SASH1: variants seen among roughly 807,000 people sequenced by gnomAD.
SASH1 encodes the protein SAM and SH3 domain containing 1, also known as SAM and SH3 domain-containing protein 1.
SASH1 carries 44 observed loss-of-function variants against 125.2 expected under a neutral mutation model. The ratio of observed to expected loss-of-function variants is 0.35; its 90% CI spans 0.28 to 0.45. SASH1 has a LOEUF of 0.45. Ranked by LOEUF, SASH1 falls within the 20% of genes least tolerant of loss-of-function variation. The pLI, the probability that SASH1 is intolerant of heterozygous loss-of-function variation, is 1.00. For synonymous variants in SASH1, 639 were observed against 649.1 expected (o/e 0.98, Z 0.24); for missense variants, 1,426 against 1,614.5 (o/e 0.88, Z 2.00).
Position 148,367,373 on chromosome 6 carries a change from C to A in SASH1, c.157-22761C>A, listed in dbSNP as rs377339193. On this transcript the variant is annotated intron_variant, in intron 1 of 19. Transcript: ENST00000367467. ...GTCTGACCATGCACATTCTTACTTA[C>A]AAGTTTTAGTTGTCTGAGCCACCGC... Among the ~76,000 whole-genome samples the A allele has an allele frequency of 6.7e-4, 101 of 151,226 alleles. 1 individual carries two copies. Among genetic ancestry groups the A allele is most frequent in the African/African-American group, 2.3e-3 (93 of 41,090 alleles).
chr6:148,283,760 G>C (rs2493921), intron 1 of SASH1, among the ~76,000 whole-genome samples: 5,765 of 151,774 alleles, frequency 0.038, 147 homozygotes, highest in Middle Eastern at 0.068. Context: ...GGTGAAGATC[G>C]AGACTCTGTC....
Position 148,321,118 on chromosome 6 carries a change from C to T in SASH1, n.74+48741C>T, listed in dbSNP as rs543146158. Among the ~76,000 whole-genome samples, 4 of 152,220 alleles carry T rather than the reference C, an allele frequency of 2.6e-5. No homozygotes were observed. The South Asian group carries it at 6.2e-4, about 24-fold the overall frequency. On this transcript the variant is annotated intron_variant and non_coding_transcript_variant, in intron 1 of 3. Transcript: ENST00000367469. ...CCATTGAAGGTAATGGCAGGCCAGG[C>T]GCGGTGGCTCACATCTGTAATCCCA...
rs1358363853 is a variant in SASH1, at chr6:148,549,244, T to C, written c.*686T>C. 1 of 193,546 alleles carries C rather than the reference T, an allele frequency of 5.2e-6. No homozygotes were observed. Among genetic ancestry groups the C allele is most frequent in the Non-Finnish European group, 1.0e-5 (1 of 95,894 alleles). The allele number at this position is 193,546 out of a possible 1,614,324, so 12.0% of individuals were successfully genotyped here. ...TCAGCTTAGGCAGACATCGAACCTC[T>C]CTGGGATGTTTCCAGCAAAAGTGAG... On this transcript the variant is annotated 3_prime_UTR_variant, in exon 20 of 20. Transcript: ENST00000367467.
chr6:148,381,686 C>T (rs993493807), intron 1 of SASH1, among the ~76,000 whole-genome samples: 14 of 126,612 alleles, frequency 1.1e-4, no homozygotes, highest in Admixed American at 1.1e-3. Flanking sequence ...AGTGCAGTGG[C>T]GCAATAATCT....
chr6:148,399,841 G>A (rs1401761282), intron 2 of SASH1, among the ~76,000 whole-genome samples: 1 of 152,210 alleles, frequency 6.6e-6, no homozygotes, highest in African/African-American at 2.4e-5. Context: ...TGTTTTTGGA[G>A]TCAGGACCAT....
At chr6:148,488,542 A>G (rs1778972062) in intron 8 of SASH1, among the ~76,000 whole-genome samples, 1 of 152,210 alleles carries the variant, frequency 6.6e-6, no homozygotes, top group Non-Finnish European at 1.5e-5. Flanking sequence ...ATCATGTAGT[A>G]ATTCTGTATT....
At position 148,519,915 on chromosome 6, in the gene SASH1, T is replaced by C; in HGVS notation, c.1209+22T>C. 6.7e-7 allele frequency: 1 copy of C among 1,501,712 alleles called. No individual in the cohort carries two copies. Among genetic ancestry groups the C allele is most frequent in the Non-Finnish European group, 8.9e-7 (1 of 1,117,960 alleles). 93.0% of individuals were successfully genotyped at this position (1,501,712 alleles called of 1,614,324 possible). A position where few individuals can be genotyped will look rare whatever the true frequency, so the allele number is the denominator to read the frequency against. On this transcript the variant is annotated intron_variant, in intron 10 of 19. Coordinates refer to ENST00000367467, the MANE Select transcript of SASH1 (RefSeq NM_015278.5). This position sits in a 1 kb window ranked among gnomAD's most constrained non-coding sequence, Gnocchi z 4.8. ...CGGGGTAAGTACGGATGGTGTTTGC[T>C]TCTATGACAACCACCGTCGCAGGCA...
the SASH1 span, among the ~76,000 whole-genome samples, chr6:148,247,242 C>T: frequency 1.3e-5 from 2 of 152,052 alleles, no homozygotes; most frequent in African/African-American, 4.8e-5. Context: ...ATAGAACTGC[C>T]CAAGAAATGA....
At chr6:148,385,224 A>G (rs894801146) in intron 1 of SASH1, among the ~76,000 whole-genome samples, 6 of 152,160 alleles carry the variant, frequency 3.9e-5, no homozygotes, top group African/African-American at 1.4e-4. Context: ...AGGGTGTGAA[A>G]TGCTGGCTTT....
intron 6 of SASH1, among the ~76,000 whole-genome samples, chr6:148,473,520 C>G (rs1740619386): frequency 6.6e-6 from 1 of 152,170 alleles, no homozygotes; most frequent in Non-Finnish European, 1.5e-5. Context: ...TCCCAAAGTG[C>G]TGGGATTACA....
chr6:148,373,007 C>A (rs1260019124), intron 1 of SASH1, among the ~76,000 whole-genome samples: 1 of 152,084 alleles, frequency 6.6e-6, no homozygotes, highest in African/African-American at 2.4e-5. Flanking sequence ...CCAGCCTCAA[C>A]ATGGAGAAAC....
At chr6:148,484,768 T>TC (rs1778771889) in intron 7 of SASH1, among the ~76,000 whole-genome samples, 1 of 151,984 alleles carries the variant, frequency 6.6e-6, no homozygotes, top group South Asian at 2.1e-4. Flanking sequence ...TGATGAAACC[T>TC]CATCTCTACA....
intron 1 of SASH1, among the ~76,000 whole-genome samples, chr6:148,301,938 C>A (rs1192786102): frequency 6.6e-6 from 1 of 151,654 alleles, no homozygotes; most frequent in South Asian, 2.1e-4. Flanking sequence ...ACTAAATGAT[C>A]ATTATGTGCC....
At chr6:148,493,977 C>G (rs553671152) in intron 8 of SASH1, among the ~76,000 whole-genome samples, 1 of 152,146 alleles carries the variant, frequency 6.6e-6, no homozygotes, top group East Asian at 1.9e-4. Context: ...TGTAAGAGTT[C>G]TCAAGCTTTG....
intron 1 of SASH1, among the ~76,000 whole-genome samples, chr6:148,293,114 C>A (rs1779676880): frequency 6.6e-6 from 1 of 151,968 alleles, no homozygotes; most frequent in African/African-American, 2.4e-5. Context: ...TAAGATCTAC[C>A]ATGATCTGTA....
the SASH1 span, among the ~76,000 whole-genome samples, chr6:148,222,778 ATCTCTCTCTCTC>A: frequency 1.4e-5 from 2 of 146,736 alleles, no homozygotes; most frequent in African/African-American, 2.5e-5. Flanking sequence ...TTCCCCTTCG[ATCTCTCTCTCTC>A]TCTCTCTCTC....
the SASH1 span, among the ~76,000 whole-genome samples, chr6:148,219,050 G>A: frequency 4.3e-3 from 651 of 152,308 alleles, 3 homozygotes; most frequent in Middle Eastern, 0.01. Flanking sequence ...ACAGGCTCAT[G>A]GGAGCCAGGA....
chr6:148,432,575 ACCT>A (rs1422164703), intron 2 of SASH1, among the ~76,000 whole-genome samples: 5 of 151,834 alleles, frequency 3.3e-5, no homozygotes, highest in African/African-American at 1.2e-4. Context: ...GGCTTTTTCC[ACCT>A]CCTCCTTCCT....
At chr6:148,292,373 C>T (rs945920163) in intron 1 of SASH1, among the ~76,000 whole-genome samples, 3 of 152,150 alleles carry the variant, frequency 2.0e-5, no homozygotes, top group East Asian at 3.9e-4. Flanking sequence ...CAATCCCAGG[C>T]CCTACCTGCT....
Sources: gnomAD v4.1 joint callset for allele counts (sites outside exome capture counted in the v4.1 genomes callset) on GRCh38, gnomAD v4.1.1 for gene constraint, Gnocchi (gnomAD v3.1) non-coding constraint, MANE v1.5 for transcripts, NCBI Gene and HGNC (gene_info 2026-07-23, HGNC 2026-07-21) for gene names.